Variants in SNX24 observed in about 807,000 individuals in gnomAD.
The protein encoded by SNX24 is sorting nexin-24.
In SNX24, 22 loss-of-function variants were observed where a neutral mutation model predicts 28.7. That is an observed-to-expected ratio of 0.77 (90% confidence interval 0.55 to 1.10). The LOEUF (loss-of-function observed/expected upper bound fraction) is 1.10. Among genes scored for constraint, SNX24 ranks in the 50% least tolerant of loss-of-function variants. The pLI, the probability that SNX24 is intolerant of heterozygous loss-of-function variation, is 0.00. For synonymous variants in SNX24, 69 were observed against 71.5 expected, an observed-to-expected ratio of 0.96 and a Z score of 0.18; for missense variants, 221 against 201.1, an observed-to-expected ratio of 1.10 and a Z score of -0.60.
intron 1 of SNX24, among the ~76,000 whole-genome samples, chr5:122,898,322 A>G (rs770697538): frequency 3.3e-5 from 5 of 152,230 alleles, no homozygotes; most frequent in Admixed American, 6.5e-5. Flanking sequence ...CAAGGGGAAA[A>G]TTGTCTGCAA....
At chr5:122,852,314 A>G (rs895470053) in intron 1 of SNX24, among the ~76,000 whole-genome samples, 1 of 151,496 alleles carries the variant, frequency 6.6e-6, no homozygotes, top group Non-Finnish European at 1.5e-5. Context: ...GAGCCTGGCT[A>G]CCTGAGAGTG....
chr5:122,887,007 C>T (rs1037777062), intron 1 of SNX24, among the ~76,000 whole-genome samples: 6 of 151,984 alleles, frequency 3.9e-5, no homozygotes, highest in East Asian at 1.9e-4. Flanking sequence ...TATTCATATC[C>T]GTACTTACTG....
intron 1 of SNX24, among the ~76,000 whole-genome samples, chr5:122,915,089 A>G (rs1445307987): frequency 1.3e-5 from 2 of 152,172 alleles, no homozygotes; most frequent in Admixed American, 1.3e-4. Flanking sequence ...TTTGCATTAT[A>G]CTTAGTGGCT....
intron 1 of SNX24, among the ~76,000 whole-genome samples, chr5:122,917,784 A>G (rs1267177173): frequency 1.3e-5 from 2 of 152,170 alleles, no homozygotes; most frequent in Admixed American, 6.5e-5. Flanking sequence ...AGTAGGCACT[A>G]TTTAAAATAA....
rs74443638 is a variant in SNX24, at chr5:122,885,202, T to C, written c.60+39509T>C. On this transcript the variant is annotated intron_variant, in intron 1 of 6. Coordinates refer to ENST00000261369, the MANE Select transcript of SNX24 (RefSeq NM_014035.4). ...GTGTGTCCAAAGCCAGTCCTCTGTA[T>C]TGGGGGCTTCCCATTTTTCTTGGAT... Among the ~76,000 whole-genome samples, 87 of 152,236 alleles carry C rather than the reference T, an allele frequency of 5.7e-4. 1 individual carries two copies. In the East Asian group the frequency reaches 0.014, roughly 24 times the overall value.
intron 3 of SNX24, among the ~76,000 whole-genome samples, chr5:122,984,808 T>G (rs945651451): frequency 1.3e-5 from 2 of 152,226 alleles, no homozygotes; most frequent in African/African-American, 4.8e-5. Context: ...AATTTTGACA[T>G]GAGTTTTTAG....
intron 3 of SNX24, among the ~76,000 whole-genome samples, chr5:122,997,170 C>T (rs1762078210): frequency 6.6e-6 from 1 of 152,190 alleles, no homozygotes; most frequent in Non-Finnish European, 1.5e-5. Context: ...TACTTTGTCT[C>T]TGAAGTATTA....
intron 1 of SNX24, among the ~76,000 whole-genome samples, chr5:122,892,010 G>T (rs1756995008): frequency 6.6e-6 from 1 of 152,142 alleles, no homozygotes. Flanking sequence ...AAATGGGGAA[G>T]TCCATGCAGC....
At chr5:122,905,743 A>T (rs1446260958) in intron 1 of SNX24, among the ~76,000 whole-genome samples, 1 of 152,152 alleles carries the variant, frequency 6.6e-6, no homozygotes, top group Non-Finnish European at 1.5e-5. Context: ...CTCAGATATA[A>T]CTTCCATCTG....
intron 1 of SNX24, among the ~76,000 whole-genome samples, chr5:122,889,606 T>C (rs529308746): frequency 4.0e-5 from 4 of 100,082 alleles, no homozygotes; most frequent in Non-Finnish European, 7.5e-5. Flanking sequence ...TATATATATA[T>C]ACACACATAT....
intron 1 of SNX24, among the ~76,000 whole-genome samples, chr5:122,887,223 A>G (rs1756756258): frequency 6.6e-6 from 1 of 152,224 alleles, no homozygotes; most frequent in Admixed American, 6.5e-5. Flanking sequence ...CTGAGTTGAC[A>G]GTCATCTTTT....
At chr5:122,908,128 A>G (rs1358860659) in intron 1 of SNX24, among the ~76,000 whole-genome samples, 1 of 152,246 alleles carries the variant, frequency 6.6e-6, no homozygotes, top group Non-Finnish European at 1.5e-5. Context: ...GCACGATATA[A>G]TGAAGTTGTA....
intron 1 of SNX24, among the ~76,000 whole-genome samples, chr5:122,873,252 G>A (rs540429790): frequency 6.9e-4 from 105 of 152,172 alleles, no homozygotes; most frequent in African/African-American, 2.4e-3. Flanking sequence ...TGGGATTTCC[G>A]GCATGAGACC....
intron 3 of SNX24, among the ~76,000 whole-genome samples, chr5:122,958,330 T>C (rs2150136000): frequency 6.6e-6 from 1 of 152,272 alleles, no homozygotes; most frequent in South Asian, 2.1e-4. Flanking sequence ...CTCAGCTCAC[T>C]GCAACCTCCA....
intron 2 of SNX24, among the ~76,000 whole-genome samples, chr5:122,944,177 C>T (rs1759580536): frequency 6.6e-6 from 1 of 152,228 alleles, no homozygotes. Context: ...CCTTGTGTCT[C>T]CCTGCTTTAA....
At chr5:122,899,151 T>G (rs981280160) in intron 1 of SNX24, among the ~76,000 whole-genome samples, 4 of 152,204 alleles carry the variant, frequency 2.6e-5, no homozygotes, top group African/African-American at 9.6e-5. Context: ...CAGTCTCTTC[T>G]GCTCTTTTCA....
intron 1 of SNX24, among the ~76,000 whole-genome samples, chr5:122,891,589 T>G (rs1485279725): frequency 1.3e-5 from 2 of 152,204 alleles, no homozygotes; most frequent in Admixed American, 1.3e-4. Context: ...TTCAGTTGTT[T>G]CTTTCCACAC....
intron 2 of SNX24, among the ~76,000 whole-genome samples, chr5:122,941,834 T>C (rs1267328298): frequency 6.6e-6 from 1 of 152,230 alleles, no homozygotes; most frequent in Non-Finnish European, 1.5e-5. Context: ...CAGGTTCTGC[T>C]TGCCCTGATA....
chr5:122,915,012 T>G (rs1334789939), intron 1 of SNX24, among the ~76,000 whole-genome samples: 1 of 152,132 alleles, frequency 6.6e-6, no homozygotes, highest in African/African-American at 2.4e-5. Context: ...ACGTTGAGTG[T>G]CCGTGATCCA....
Sources: gnomAD v4.1 joint callset for allele counts (sites outside exome capture counted in the v4.1 genomes callset) on GRCh38, gnomAD v4.1.1 for gene constraint, MANE v1.5 for transcripts, NCBI Gene and HGNC (gene_info 2026-07-23, HGNC 2026-07-21) for gene names.